FOXI2: variants seen among roughly 807,000 people sequenced by gnomAD.
FOXI2 encodes forkhead box I2.
A neutral mutation model predicts 14.3 loss-of-function variants in FOXI2; 17 were observed. The observed-to-expected ratio is 1.19, with a 90% CI of 0.81 to 1.78. FOXI2 has a LOEUF of 1.78. FOXI2 is among the 40% of genes most tolerant of loss of function. The pLI is 0.00. For synonymous variants in FOXI2, 240 were observed against 218.8 expected, an observed-to-expected ratio of 1.10 and a Z score of -0.85; for missense variants, 541 against 460.0, an observed-to-expected ratio of 1.18 and a Z score of -1.61.
Position 127,737,668 on chromosome 10 carries a change from T to G in FOXI2, c.395T>G (p.Val132Gly). The stretch of plus-strand genomic sequence containing the variant: ...ACGCTCAGCCAGATCTACCAGTACG[T>G]GGCTGGTAACTTCCCTTTCTACAAG... Reference protein sequence around the residue: ...KLTLSQIYQYVAGNFPFYKRS... With the variant: ...KLTLSQIYQYGAGNFPFYKRS... Residue 132 changes from valine to glycine, a missense_variant, in exon 1 of 2, where the codon GTG (valine) becomes GGG (glycine). Transcript: ENST00000388920. 6.3e-7 allele frequency: 1 copy of G among 1,595,208 alleles called. No individual in the cohort carries two copies. The highest frequency in any genetic ancestry group is 8.5e-7 in the Non-Finnish European group (1 of 1,171,080).
Position 127,738,719 on chromosome 10 carries a change from C to T in FOXI2, c.711C>T (p.Ser237=), listed in dbSNP as rs1024644662. 10 of 1,598,434 alleles carry T rather than the reference C, an allele frequency of 6.3e-6. No individual in the cohort carries two copies. The highest frequency in any genetic ancestry group is 7.7e-6 in the Non-Finnish European group (9 of 1,173,036). The change falls in exon 2 of 2, where the codon TCC becomes TCT. Residue 237 remains serine, a synonymous_variant. Coordinates refer to ENST00000388920, the MANE Select transcript of FOXI2 (RefSeq NM_207426.3). ...ACCTGCAGGCCTCGCCCTCTCCATCCGCACCCGAGGCCGCCACCTGCTTCT... is the reference window on the plus strand; with the variant it reads ...ACCTGCAGGCCTCGCCCTCTCCATCTGCACCCGAGGCCGCCACCTGCTTCT... ...CLDLQASPSP[S]APEAATCFSG... is the part of the protein sequence containing the mutation.
chr10:127,737,498 C>G lies in FOXI2; in HGVS notation c.225C>G (p.Leu75=). ...APSYGAPGPL[L]GAPGGLAGAD... ...GCTACGGGGCTCCCGGCCCGCTCCTCGGCGCCCCGGGCGGCCTGGCGGGCG... is the reference window on the plus strand; with the variant it reads ...GCTACGGGGCTCCCGGCCCGCTCCTGGGCGCCCCGGGCGGCCTGGCGGGCG... The change falls in exon 1 of 2, where the codon CTC becomes CTG. Residue 75 remains leucine, a synonymous_variant. Coordinates refer to ENST00000388920, the MANE Select transcript of FOXI2 (RefSeq NM_207426.3). 7.1e-7 allele frequency: 1 copy of G among 1,401,778 alleles called. No individual in the cohort carries two copies. The highest frequency in any genetic ancestry group is 9.2e-7 in the Non-Finnish European group (1 of 1,088,902). The allele number at this position is 1,401,778 out of a possible 1,614,324, so 86.8% of individuals were successfully genotyped here.
chr10:127,738,191 C>T (rs1285445174), intron 1 of FOXI2, among the ~76,000 whole-genome samples: 1 of 152,186 alleles, frequency 6.6e-6, no homozygotes, highest in African/African-American at 2.4e-5. Flanking sequence ...TGGAGCCTAC[C>T]TGGGGGCCTG....
At position 127,737,516 on chromosome 10, in the gene FOXI2, G is replaced by A; in HGVS notation, c.243G>A (p.Leu81=). 2.8e-6 allele frequency: 4 copies of A among 1,426,870 alleles called. No homozygotes were observed. Among genetic ancestry groups the A allele is most frequent in the Non-Finnish European group, 3.6e-6 (4 of 1,098,334 alleles). The allele number at this position is 1,426,870 out of a possible 1,614,324, so 88.4% of individuals were successfully genotyped here. A position where few individuals can be genotyped will look rare whatever the true frequency, so the allele number is the denominator to read the frequency against. The change falls in exon 1 of 2, where the codon CTG becomes CTA. Residue 81 remains leucine, a synonymous_variant. Coordinates refer to ENST00000388920, the MANE Select transcript of FOXI2 (RefSeq NM_207426.3). The part of the protein sequence containing the change: ...PGPLLGAPGG[L]AGADLAWLSL... The stretch of plus-strand genomic sequence containing the variant: ...CGCTCCTCGGCGCCCCGGGCGGCCT[G>A]GCGGGCGCCGACCTCGCCTGGCTGA...
intron 1 of FOXI2, among the ~76,000 whole-genome samples, chr10:127,738,060 C>G (rs1226011780): frequency 6.6e-6 from 1 of 152,172 alleles, no homozygotes; most frequent in Non-Finnish European, 1.5e-5. Context: ...AGCCAGCAAG[C>G]TGGGTGACCT....
In FOXI2 at chr10:127,738,612, A is replaced by C. The variant is rs781424148; in HGVS notation, c.604A>C (p.Ser202Arg). 14 of 1,609,314 alleles carry C rather than the reference A, an allele frequency of 8.7e-6. No homozygotes were observed. Among genetic ancestry groups the C allele is most frequent in the Non-Finnish European group, 1.2e-5 (14 of 1,177,774 alleles). ...RRKRKRRAEA[S>R]AAVRSGARSV... ...GAAGAGGAAGAGGAGAGCTGAAGCC[A>C]GCGCGGCCGTGCGCTCGGGAGCCAG... is the stretch of plus-strand genomic sequence containing the variant. The change falls in exon 2 of 2, where the codon AGC becomes CGC. Residue 202 changes from serine to arginine, a missense_variant. Physicochemically the swap from Ser to Arg is moderately radical, Grantham distance 110 (BLOSUM62 -1). Transcript: ENST00000388920.
chr10:127,738,471 G>C (rs941087548), intron 1 of FOXI2, 49 bp from the exon 2 acceptor site: 3 of 1,465,156 alleles, frequency 2.0e-6, no homozygotes, highest in Non-Finnish European at 2.8e-6. Flanking sequence ...TCACACCACG[G>C]CCCGTCAAAG....
At position 127,737,477 on chromosome 10, in the gene FOXI2, C is replaced by T. The variant is rs1846430563; in HGVS notation, c.204C>T (p.Tyr68=). 7.2e-7 allele frequency: 1 copy of T among 1,386,212 alleles called. No homozygotes were observed. The highest frequency in any genetic ancestry group is 9.2e-7 in the Non-Finnish European group (1 of 1,081,454). 85.9% of individuals were successfully genotyped at this position (1,386,212 alleles called of 1,614,324 possible). A position where few individuals can be genotyped will look rare whatever the true frequency, so the allele number is the denominator to read the frequency against. Residue 68 remains tyrosine, a synonymous_variant, in exon 1 of 2, where the codon TAC becomes TAT. Transcript: ENST00000388920. Reference sequence around the variant, plus strand: ...CGCCGCCCTACGCGGCCCCGAGCTACGGGGCTCCCGGCCCGCTCCTCGGCG... The same window carrying T: ...CGCCGCCCTACGCGGCCCCGAGCTATGGGGCTCCCGGCCCGCTCCTCGGCG... ...GPAPPYAAPS[Y]GAPGPLLGAP...
In FOXI2 at chr10:127,739,796, CT is replaced by C. The variant is rs1337798403; in HGVS notation, c.*832del. 2.3e-5 allele frequency: 3 copies of C among 128,238 alleles called. No homozygotes were observed. Among genetic ancestry groups the C allele is most frequent in the East Asian group, 4.3e-4 (2 of 4,598 alleles). 7.9% of individuals were successfully genotyped at this position (128,238 alleles called of 1,614,324 possible). ...ACCCACACCCACACTCACACCCACA[CT>C]CACACCCACACTCACACCCACACCC... On this transcript the variant is annotated 3_prime_UTR_variant, in exon 2 of 2. Transcript: ENST00000388920.
Position 127,738,675 on chromosome 10 carries a change from C to T in FOXI2, c.667C>T (p.Pro223Ser), listed in dbSNP as rs1247682828. 9 of 1,595,296 alleles carry T rather than the reference C, an allele frequency of 5.6e-6. No individual in the cohort carries two copies. The highest frequency in any genetic ancestry group is 6.8e-6 in the Non-Finnish European group (8 of 1,171,010). Residue 223 changes from proline to serine, a missense_variant, in exon 2 of 2, where the codon CCG becomes TCG. By Grantham distance (74) the Pro-to-Ser change is moderately conservative. Transcript: ENST00000388920. ...GGCCGAGGCGCCAGCGCTGGAGCCC[C>T]CGAGCGCGGCTTGCCTGGACCTGCA... ...GGAEAPALEP[P>S]SAACLDLQAS...
At position 127,739,903 on chromosome 10, in the gene FOXI2, A is replaced by ACC. The variant is rs1388383728; in HGVS notation, c.*939_*940insCC. 3.4e-3 allele frequency: 69 copies of ACC among 20,446 alleles called. 2 individuals are homozygous for ACC. The highest frequency in any genetic ancestry group is 0.017 in the South Asian group (4 of 234). 1.3% of individuals were successfully genotyped at this position (20,446 alleles called of 1,614,324 possible). ...CACCCACACCCACACCCACACTCAC[A>ACC]CACACTCACACCCACACCCACACTC... On this transcript the variant is annotated 3_prime_UTR_variant, in exon 2 of 2. Coordinates refer to ENST00000388920, the MANE Select transcript of FOXI2 (RefSeq NM_207426.3).
At position 127,737,699 on chromosome 10, in the gene FOXI2, C is replaced by G. The variant is rs190070476; in HGVS notation, c.426C>G (p.Ser142Arg). 5.0e-6 allele frequency: 8 copies of G among 1,606,600 alleles called. No individual in the cohort carries two copies. In the Admixed American group the frequency reaches 1.2e-4, roughly 24 times the overall value. The part of the protein sequence containing the change: ...VAGNFPFYKR[S>R]KAGWQNSIRH... ...GTAACTTCCCTTTCTACAAGCGCAG[C>G]AAGGCGGGCTGGCAGAACTCCATCC... Residue 142 changes from serine (S) to arginine (R), a missense_variant, in exon 1 of 2, where the codon AGC becomes AGG. Transcript: ENST00000388920.
chr10:127,738,754 C>G lies in FOXI2; in HGVS notation c.746C>G (p.Ala249Gly). The G allele has an allele frequency of 6.2e-7, 1 of 1,605,010 alleles. No individual in the cohort carries two copies. Among genetic ancestry groups the G allele is most frequent in the Non-Finnish European group, 8.5e-7 (1 of 1,176,364 alleles). The change falls in exon 2 of 2, where the codon GCT becomes GGT. Residue 249 changes from alanine (A) to glycine (G), a missense_variant. Ala to Gly is a moderately conservative substitution (Grantham distance 60). Transcript: ENST00000388920. ...GCCGCCACCTGCTTCTCCGGTTTCGCTTCTGCTATGAGCGCTCTGGCTGGC... is the reference window on the plus strand; with the variant it reads ...GCCGCCACCTGCTTCTCCGGTTTCGGTTCTGCTATGAGCGCTCTGGCTGGC... ...PEAATCFSGF[A>G]SAMSALAGGL...
chr10:127,738,651 G>C lies in FOXI2; in HGVS notation c.643G>C (p.Ala215Pro). The C allele has an allele frequency of 6.3e-7, 1 of 1,597,382 alleles. No homozygotes were observed. The highest frequency in any genetic ancestry group is 8.5e-7 in the Non-Finnish European group (1 of 1,171,818). ...CTCGGGAGCCAGGAGCGTGGGAGGG[G>C]CCGAGGCGCCAGCGCTGGAGCCCCC... ...VRSGARSVGG[A>P]EAPALEPPSA... is the part of the protein sequence containing the mutation. The change falls in exon 2 of 2, where the codon GCC becomes CCC. Residue 215 changes from alanine to proline, a missense_variant. Coordinates refer to ENST00000388920, the MANE Select transcript of FOXI2 (RefSeq NM_207426.3).
chr10:127,737,453 G>C lies in FOXI2; in HGVS notation c.180G>C (p.Ala60=). 7.3e-7 allele frequency: 1 copy of C among 1,363,166 alleles called. No homozygotes were observed. The highest frequency in any genetic ancestry group is 9.4e-7 in the Non-Finnish European group (1 of 1,068,660). 84.4% of individuals were successfully genotyped at this position (1,363,166 alleles called of 1,614,324 possible). Residue 60 remains alanine, a synonymous_variant, in exon 1 of 2, where the codon GCG becomes GCC. Coordinates refer to ENST00000388920, the MANE Select transcript of FOXI2 (RefSeq NM_207426.3). ...PKSYASGPGP[A]PPYAAPSYGA... ...CCTACGCTTCGGGTCCCGGGCCTGC[G>C]CCGCCCTACGCGGCCCCGAGCTACG...
chr10:127,738,148 G>A (rs1370232987), intron 1 of FOXI2, among the ~76,000 whole-genome samples: 1 of 152,166 alleles, frequency 6.6e-6, no homozygotes, highest in Admixed American at 6.5e-5. Context: ...CCAAGGATGG[G>A]CAAAACAAAT....
Position 127,739,110 on chromosome 10 carries a change from G to A in FOXI2, c.*145G>A. 2 of 722,580 alleles carry A rather than the reference G, an allele frequency of 2.8e-6. No individual in the cohort carries two copies. Among genetic ancestry groups the A allele is most frequent in the East Asian group, 5.6e-5 (2 of 35,974 alleles). 44.8% of individuals were successfully genotyped at this position (722,580 alleles called of 1,614,324 possible). A position where few individuals can be genotyped will look rare whatever the true frequency, so the allele number is the denominator to read the frequency against. On this transcript the variant is annotated 3_prime_UTR_variant, in exon 2 of 2. Transcript: ENST00000388920. ...AGAGCCGGGGGCGGCTCGGCCAGCA[G>A]GGAGCTGGGCTGAGCGGCTCTTGGG...
At position 127,737,597 on chromosome 10, in the gene FOXI2, G is replaced by C. The variant is rs752345259; in HGVS notation, c.324G>C (p.Ser108=). The change falls in exon 1 of 2, where the codon TCG becomes TCC. Residue 108 remains serine, a synonymous_variant. Coordinates refer to ENST00000388920, the MANE Select transcript of FOXI2 (RefSeq NM_207426.3). ...TGGTGCGGCCGCCCTACTCCTACTCGGCGCTCATCGCCATGGCCATCCAGA... is the reference window on the plus strand; with the variant it reads ...TGGTGCGGCCGCCCTACTCCTACTCCGCGCTCATCGCCATGGCCATCCAGA... ...LRLVRPPYSY[S]ALIAMAIQSA... The C allele has an allele frequency of 1.9e-5, 30 of 1,554,138 alleles. No homozygotes were observed. The South Asian group carries it at 3.6e-4, about 18-fold the overall frequency.
chr10:127,737,918 A>G, intron 1 of FOXI2, 134 bp downstream of exon 1: 8 of 1,350,988 alleles, frequency 5.9e-6, no homozygotes, highest in Non-Finnish European at 8.0e-6. Context: ...GGGAGGAGGG[A>G]GAAGGGGAAG....
Sources: allele counts gnomAD v4.1 joint callset (sites outside exome capture counted in the v4.1 genomes callset), GRCh38; gene constraint gnomAD v4.1.1; transcripts MANE v1.5; gene names NCBI Gene and HGNC (gene_info 2026-07-23, HGNC 2026-07-21).